SUMF1: variants seen among roughly 807,000 people sequenced by gnomAD.
The protein encoded by SUMF1 is sulfatase modifying factor 1, also known as formylglycine-generating enzyme.
In SUMF1, 48 loss-of-function variants were observed where a neutral mutation model predicts 47.6. That is an observed-to-expected ratio of 1.01 (90% CI 0.80 to 1.28). SUMF1 has a LOEUF of 1.28. Among genes scored for constraint, SUMF1 ranks in the 50% most tolerant of loss-of-function variants. The pLI is 0.00. For missense variants in SUMF1, 571 were observed against 485.4 expected (o/e 1.18, Z -1.66); for synonymous variants, 230 against 192.1 (o/e 1.20, Z -1.63).
At chr3:4,259,257 G>C (rs1033186236) in intron 8 of SUMF1, among the ~76,000 whole-genome samples, 2 of 151,888 alleles carry the variant, frequency 1.3e-5, no homozygotes, top group Non-Finnish European at 2.9e-5. Context: ...AAAACTTAAA[G>C]TATAATAAAA....
intron 3 of SUMF1, among the ~76,000 whole-genome samples, chr3:4,427,668 T>C (rs1702109573): frequency 6.6e-6 from 1 of 152,214 alleles, no homozygotes; most frequent in South Asian, 2.1e-4. Flanking sequence ...CAGGCAGACT[T>C]GAACTTTTCA....
chr3:4,324,530 T>C (rs993115626), intron 8 of SUMF1, among the ~76,000 whole-genome samples: 2 of 152,064 alleles, frequency 1.3e-5, no homozygotes, highest in Non-Finnish European at 2.9e-5. Context: ...AGCAGTGAGG[T>C]AGATGGTTAG....
chr3:4,331,556 A>C (rs1376492552), intron 8 of SUMF1, among the ~76,000 whole-genome samples: 3 of 152,230 alleles, frequency 2.0e-5, no homozygotes, highest in African/African-American at 7.2e-5. Context: ...GGCTGGGCAC[A>C]GTGGCTCACG....
intron 4 of SUMF1, among the ~76,000 whole-genome samples, chr3:4,418,757 G>A (rs1446030512): frequency 6.6e-6 from 1 of 152,070 alleles, no homozygotes; most frequent in Non-Finnish European, 1.5e-5. Context: ...TGTGACCCTT[G>A]GCTTTCAATT....
At chr3:4,158,386 G>C (rs9784287) in intron 8 of SUMF1, among the ~76,000 whole-genome samples, 4,933 of 151,448 alleles carry the variant, frequency 0.033, 477 homozygotes, top group African/African-American at 0.11. Flanking sequence ...TCTATCCCGA[G>C]AATGATCCAT....
At chr3:4,188,262 G>A (rs1003977033) in intron 8 of SUMF1, among the ~76,000 whole-genome samples, 4 of 151,250 alleles carry the variant, frequency 2.6e-5, no homozygotes, top group African/African-American at 4.9e-5. Flanking sequence ...TGCAATCTCC[G>A]CCTCCCAGGT....
chr3:4,217,239 T>C (rs1478741267), intron 8 of SUMF1, among the ~76,000 whole-genome samples: 2 of 151,304 alleles, frequency 1.3e-5, no homozygotes, highest in Admixed American at 6.6e-5. Flanking sequence ...CTGGAAACCA[T>C]CACTCTCAGC....
intron 8 of SUMF1, among the ~76,000 whole-genome samples, chr3:4,268,252 G>T (rs1311797775): frequency 2.6e-5 from 4 of 152,134 alleles, no homozygotes; most frequent in South Asian, 2.1e-4. Flanking sequence ...TGGGGGAGAG[G>T]GGAGGGATAG....
intron 9 of SUMF1, among the ~76,000 whole-genome samples, chr3:4,050,385 C>A (rs1363436624): frequency 1.3e-5 from 2 of 151,866 alleles, no homozygotes; most frequent in African/African-American, 4.8e-5. Context: ...CAGTTGCTTT[C>A]TGGGTCTCAA....
At chr3:4,439,827 G>T (rs1702521537) in intron 3 of SUMF1, among the ~76,000 whole-genome samples, 1 of 151,658 alleles carries the variant, frequency 6.6e-6, no homozygotes, top group Admixed American at 6.6e-5. Flanking sequence ...CTCCCAAAGG[G>T]CTGGCAGAAG....
At chr3:4,364,653 T>C (rs1332946785) in intron 8 of SUMF1, among the ~76,000 whole-genome samples, 2 of 151,122 alleles carry the variant, frequency 1.3e-5, no homozygotes, top group Non-Finnish European at 3.0e-5. Flanking sequence ...CTATCAATTT[T>C]GTTGATCCTT....
intron 8 of SUMF1, among the ~76,000 whole-genome samples, chr3:4,258,706 G>T (rs1161943515): frequency 6.9e-6 from 1 of 145,824 alleles, no homozygotes; most frequent in Admixed American, 6.9e-5. Flanking sequence ...TCAGTGTGGT[G>T]ATTCCTCAGG....
chr3:4,290,265 TTC>T lies in SUMF1; in HGVS notation c.1014+86063_1014+86064del, dbSNP rs560887665. Among the ~76,000 whole-genome samples the T allele has an allele frequency of 3.4e-4, 50 of 147,706 alleles. 1 individual carries two copies. The highest frequency in any genetic ancestry group is 6.8e-4 in the Non-Finnish European group (46 of 68,018). The stretch of plus-strand genomic sequence containing the variant: ...TACTCGTTATAACTTGAACATAAAT[TTC>T]TCTTAGATTGTGTAAATGTGAGTCT... On this transcript the variant is annotated intron_variant and NMD_transcript_variant, in intron 8 of 12. Coordinates refer to the SUMF1 transcript ENST00000448413.
At chr3:4,409,276 T>C (rs761726594) in intron 7 of SUMF1, among the ~76,000 whole-genome samples, 1 of 152,176 alleles carries the variant, frequency 6.6e-6, no homozygotes, top group Non-Finnish European at 1.5e-5. Context: ...CTCAAAACTG[T>C]TAAATTATAT....
At chr3:4,327,598 G>A (rs961200241) in intron 8 of SUMF1, among the ~76,000 whole-genome samples, 2 of 151,490 alleles carry the variant, frequency 1.3e-5, no homozygotes, top group African/African-American at 4.8e-5. Flanking sequence ...TAAGACAGCA[G>A]AATTATAGGA....
chr3:4,367,095 T>C (rs1699992353), intron 8 of SUMF1, among the ~76,000 whole-genome samples: 1 of 151,992 alleles, frequency 6.6e-6, no homozygotes, highest in Non-Finnish European at 1.5e-5. Context: ...CTCAGAGGAG[T>C]ACCCGGCCGT....
At chr3:4,424,981 T>A (rs1702023241) in intron 3 of SUMF1, among the ~76,000 whole-genome samples, 1 of 152,200 alleles carries the variant, frequency 6.6e-6, no homozygotes, top group Non-Finnish European at 1.5e-5. Context: ...GTCTCTGACC[T>A]CTACCCACCA....
chr3:4,456,874 C>CGTG lies in SUMF1; in HGVS notation c.271-3826_271-3825insCAC, dbSNP rs1559312802. 4.7e-3 allele frequency among the ~76,000 whole-genome samples: 86 copies of CGTG among 18,214 alleles called. 3 individuals carry two copies. Among genetic ancestry groups the CGTG allele is most frequent in the East Asian group, 0.017 (11 of 654 alleles). 11.9% of individuals were successfully genotyped at this position (18,214 alleles called of 152,430 possible). The stretch of plus-strand genomic sequence containing the variant: ...TGTGTATATATATGTGTGTGTATAT[C>CGTG]TATATGTGTGTGTATATATATGTGT... On this transcript the variant is annotated intron_variant, in intron 1 of 8. Coordinates refer to ENST00000272902, the MANE Select transcript of SUMF1 (RefSeq NM_182760.4).
chr3:4,206,374 T>C (rs1695653130), intron 8 of SUMF1, among the ~76,000 whole-genome samples: 1 of 152,022 alleles, frequency 6.6e-6, no homozygotes, highest in Admixed American at 6.6e-5. Flanking sequence ...CTTTCAAATT[T>C]ATTTAGTACC....
Sources: gnomAD v4.1 joint callset for allele counts (sites outside exome capture counted in the v4.1 genomes callset) on GRCh38, gnomAD v4.1.1 for gene constraint, MANE v1.5 for transcripts, NCBI Gene and HGNC (gene_info 2026-07-23, HGNC 2026-07-21) for gene names.